The following FREM2 variants were observed in gnomAD, a reference collection of about 807,000 sequenced individuals.
The protein encoded by FREM2 is FRAS1 related extracellular matrix 2, also known as FRAS1-related extracellular matrix protein 2.
FREM2 carries 119 observed loss-of-function variants against 219.9 expected under a neutral mutation model. That is an observed-to-expected ratio of 0.54 (90% CI 0.47 to 0.63). The LOEUF (loss-of-function observed/expected upper bound fraction) is 0.63. Among genes scored for constraint, FREM2 ranks in the 30% least tolerant of loss-of-function variants. The pLI is 0.00. For missense variants in FREM2, 4,030 were observed against 3,993.6 expected, an observed-to-expected ratio of 1.01 and a Z score of -0.25; for synonymous variants, 1,562 against 1,522.8, an observed-to-expected ratio of 1.03 and a Z score of -0.60.
At chr13:38,874,774 C>T (rs1878286561) in intron 18 of FREM2, among the ~76,000 whole-genome samples, 188 bp downstream of exon 18, 1 of 152,148 alleles carries the variant, frequency 6.6e-6, no homozygotes, top group Non-Finnish European at 1.5e-5. Flanking sequence ...ACAAAATTAT[C>T]ATTATGCAGA....
intron 2 of FREM2, among the ~76,000 whole-genome samples, chr13:38,709,986 T>TACACACACAC (rs59108347): frequency 3.1e-5 from 4 of 130,328 alleles, no homozygotes; most frequent in East Asian, 2.3e-4. Flanking sequence ...TAACTAAAAA[T>TACACACACAC]ACACACACAC....
At chr13:38,878,045 T>C (rs1180745014) in intron 21 of FREM2, 89 bp from the exon 22 acceptor site, 1 of 1,102,376 alleles carries the variant, frequency 9.1e-7, no homozygotes, top group Non-Finnish European at 1.4e-6. Flanking sequence ...AAATAATCTC[T>C]GTGTCCTCAT....
At chr13:38,855,196 T>C (rs1009860803) in intron 11 of FREM2, among the ~76,000 whole-genome samples, 1 of 152,120 alleles carries the variant, frequency 6.6e-6, no homozygotes, top group Non-Finnish European at 1.5e-5. Context: ...TCTTTTTTAG[T>C]GAGAAAGGAC....
In FREM2 at chr13:38,692,273, G is replaced by A. The variant is rs1320718707; in HGVS notation, c.4929G>A (p.Val1643=). The A allele has an allele frequency of 1.2e-6, 2 of 1,613,878 alleles. No homozygotes were observed. Among genetic ancestry groups the A allele is most frequent in the Admixed American group, 1.7e-5 (1 of 59,992 alleles). ...DTVFETRRPQ[V]MKIQVLAVDN... is the part of the protein sequence containing the mutation. Reference sequence around the variant, plus strand: ...TGTTTGAAACAAGGAGACCCCAAGTGATGAAGATCCAGGTCTTGGCTGTTG... The same window carrying A: ...TGTTTGAAACAAGGAGACCCCAAGTAATGAAGATCCAGGTCTTGGCTGTTG... Residue 1643 remains valine (V), a synonymous_variant, in exon 1 of 24, where the codon GTG becomes GTA. Coordinates refer to ENST00000280481, the MANE Select transcript of FREM2 (RefSeq NM_207361.6).
chr13:38,844,574 A>AT (rs1419973118), intron 6 of FREM2, among the ~76,000 whole-genome samples: 1 of 152,176 alleles, frequency 6.6e-6, no homozygotes, highest in Non-Finnish European at 1.5e-5. Flanking sequence ...GCAGTTGTAT[A>AT]TTCACTCATT....
chr13:38,719,325 A>T (rs1670530440), intron 2 of FREM2, among the ~76,000 whole-genome samples: 1 of 152,096 alleles, frequency 6.6e-6, no homozygotes, highest in African/African-American at 2.4e-5. Flanking sequence ...GGTTCAAGTG[A>T]TTCTCCTGCC....
chr13:38,690,256 G>A lies in FREM2; in HGVS notation c.2912G>A (p.Gly971Glu). 1 of 1,614,122 alleles carries A rather than the reference G, an allele frequency of 6.2e-7. No homozygotes were observed. The highest frequency in any genetic ancestry group is 8.5e-7 in the Non-Finnish European group (1 of 1,180,016). Residue 971 changes from glycine to glutamate, a missense_variant, in exon 1 of 24, where the codon GGG (glycine) becomes GAG (glutamate). Gly to Glu is a moderately conservative substitution (Grantham distance 98). This residue lies in a region of FREM2 where 3,102 missense variants were observed against 2,950.7 expected (regional missense o/e 1.05). Transcript: ENST00000280481. ...GAAATCACTGCCAATGTTATTAAGG[G>A]GACCAATGAGGAAACTGATGACTTG... ...ATEITANVIKGTNEETDDLML... is the reference protein window; with the variant it reads ...ATEITANVIKETNEETDDLML...
At chr13:38,719,540 G>T (rs1871142291) in intron 2 of FREM2, among the ~76,000 whole-genome samples, 1 of 152,134 alleles carries the variant, frequency 6.6e-6, no homozygotes, top group African/African-American at 2.4e-5. Context: ...TCATCTTTAA[G>T]TCTCTCTCTG....
chr13:38,799,990 C>G (rs148410732), intron 6 of FREM2, among the ~76,000 whole-genome samples: 1 of 152,000 alleles, frequency 6.6e-6, no homozygotes, highest in African/African-American at 2.4e-5. Context: ...TTGATATATG[C>G]GACTTTGTTA....
chr13:38,689,340 G>A lies in FREM2; in HGVS notation c.1996G>A (p.Val666Ile), dbSNP rs1869689168. The change falls in exon 1 of 24, where the codon GTC becomes ATC. Residue 666 changes from valine (V) to isoleucine (I), a missense_variant. Val to Ile is a conservative substitution (Grantham distance 29). Transcript: ENST00000280481. ...CTCTGGGCCCCATAGTCCTGGGCCA[G>A]TCACAGACCAGTTCACATTTAGAGT... ...RHSGPHSPGP[V>I]TDQFTFRVQD... The A allele has an allele frequency of 1.2e-6, 2 of 1,614,126 alleles. No individual in the cohort carries two copies. Among genetic ancestry groups the A allele is most frequent in the African/African-American group, 2.7e-5 (2 of 75,018 alleles).
intron 14 of FREM2, among the ~76,000 whole-genome samples, chr13:38,861,029 TA>T (rs1351217701): frequency 6.6e-6 from 1 of 152,206 alleles, no homozygotes; most frequent in Admixed American, 6.5e-5. Flanking sequence ...TATTCTAGAG[TA>T]AAAATAACAT....
intron 6 of FREM2, among the ~76,000 whole-genome samples, chr13:38,812,206 C>G (rs1238743303): frequency 6.6e-6 from 1 of 151,988 alleles, no homozygotes; most frequent in Non-Finnish European, 1.5e-5. Flanking sequence ...AAGTATGTTT[C>G]TTATAGTCAA....
intron 4 of FREM2, among the ~76,000 whole-genome samples, chr13:38,778,632 T>C (rs1226343144): frequency 6.6e-6 from 1 of 151,950 alleles, no homozygotes; most frequent in Non-Finnish European, 1.5e-5. Context: ...CAACACACAC[T>C]GGGCATTTCA....
chr13:38,827,738 A>G (rs180799801), intron 6 of FREM2, among the ~76,000 whole-genome samples: 6 of 152,286 alleles, frequency 3.9e-5, no homozygotes, highest in Non-Finnish European at 5.9e-5. Flanking sequence ...CTGTGAGATG[A>G]TGTTTTTGAA....
intron 3 of FREM2, among the ~76,000 whole-genome samples, chr13:38,768,559 G>A: frequency 6.6e-6 from 1 of 152,038 alleles, no homozygotes; most frequent in Non-Finnish European, 1.5e-5. Flanking sequence ...TGATAAACCT[G>A]AGCCACCATG....
intron 11 of FREM2, among the ~76,000 whole-genome samples, chr13:38,855,351 A>T (rs987085139): frequency 2.0e-5 from 3 of 152,196 alleles, no homozygotes; most frequent in African/African-American, 7.2e-5. Flanking sequence ...CTACATATGT[A>T]CATAATGTAA....
intron 6 of FREM2, among the ~76,000 whole-genome samples, chr13:38,812,244 C>T (rs536852731): frequency 6.6e-6 from 1 of 151,974 alleles, no homozygotes; most frequent in Non-Finnish European, 1.5e-5. Flanking sequence ...TTTTTTCGTC[C>T]ATTCAGCCAG....
chr13:38,719,594 A>T (rs1338032865), intron 2 of FREM2, among the ~76,000 whole-genome samples: 2 of 152,138 alleles, frequency 1.3e-5, no homozygotes, highest in African/African-American at 4.8e-5. Flanking sequence ...GACCCTTGTG[A>T]TTCTGTTGGG....
At chr13:38,772,841 C>T (rs1416125204) in intron 4 of FREM2, among the ~76,000 whole-genome samples, 1 of 151,902 alleles carries the variant, frequency 6.6e-6, no homozygotes. Flanking sequence ...GGATTACGGG[C>T]GGTTGCCACC....
Sources: gnomAD v4.1 joint callset for allele counts (sites outside exome capture counted in the v4.1 genomes callset) on GRCh38, gnomAD v4.1.1 for gene constraint, gnomAD v4.1.1 regional missense constraint, MANE v1.5 for transcripts, NCBI Gene and HGNC (gene_info 2026-07-23, HGNC 2026-07-21) for gene names.